Variants in ADCYAP1R1 observed in about 807,000 individuals in gnomAD.
ADCYAP1R1 encodes pituitary adenylate cyclase-activating polypeptide type I receptor.
Under a neutral mutation model 67.6 loss-of-function variants are expected in ADCYAP1R1, and 44 were observed. The observed-to-expected ratio is 0.65, with a 90% CI of 0.51 to 0.84. The LOEUF (loss-of-function observed/expected upper bound fraction) is 0.84, where lower values mean the gene tolerates loss of function less well. ADCYAP1R1 is among the 40% of genes least tolerant of loss of function. The probability of loss-of-function intolerance (pLI) is 0.00; values close to 1 mark genes in which losing one functional copy is unlikely to be tolerated. For missense variants in ADCYAP1R1, 477 were observed against 587.9 expected (o/e 0.81, Z 1.95); for synonymous variants, 222 against 219.6 (o/e 1.01, Z -0.10).
At chr7:31,082,272 G>T (rs941504339) in intron 6 of ADCYAP1R1, among the ~76,000 whole-genome samples, 1 of 152,160 alleles carries the variant, frequency 6.6e-6, no homozygotes, top group African/African-American at 2.4e-5. Flanking sequence ...TTACTGGGGC[G>T]AATCAGCCTA....
chr7:31,095,793 C>T, intron 13 of ADCYAP1R1: 1 of 715,894 alleles, frequency 1.4e-6, no homozygotes, highest in Non-Finnish European at 2.6e-6. Context: ...GTTTGTCCTC[C>T]ATAGACCAAG....
In ADCYAP1R1 at chr7:31,086,042, A is replaced by G. The variant is rs2128630908; in HGVS notation, c.670-342A>G. 6.6e-6 allele frequency among the ~76,000 whole-genome samples: 1 copy of G among 152,296 alleles called. No individual in the cohort carries two copies. Among genetic ancestry groups the G allele is most frequent in the East Asian group, 1.9e-4 (1 of 5,180 alleles). On this transcript the variant is annotated intron_variant, in intron 9 of 15. Transcript: ENST00000304166. The surrounding 1 kb of genome is among the most constrained non-coding windows in gnomAD (Gnocchi z 5.0). Reference sequence around the variant, plus strand: ...AGGTGTCCAAATCCTCATTATACCAAGGAGCCTCCTGCAGGGTCCTCTGGC... The same window carrying G: ...AGGTGTCCAAATCCTCATTATACCAGGGAGCCTCCTGCAGGGTCCTCTGGC...
chr7:31,104,734 C>T (rs969192823), intron 14 of ADCYAP1R1, 134 bp from the exon 15 acceptor site: 59 of 1,000,870 alleles, frequency 5.9e-5, no homozygotes, highest in Non-Finnish European at 7.9e-5. Context: ...CCATCTTACC[C>T]CAGATCCCTG....
At chr7:31,084,331 A>G (rs1584514803) in intron 7 of ADCYAP1R1, 81 bp downstream of exon 7, 1 of 1,173,412 alleles carries the variant, frequency 8.5e-7, no homozygotes, top group East Asian at 2.4e-5. Context: ...ATTCATGAGC[A>G]CCTGCTGGGG....
At chr7:31,059,437 C>A (rs1272538576) in intron 1 of ADCYAP1R1, among the ~76,000 whole-genome samples, 1 of 152,222 alleles carries the variant, frequency 6.6e-6, no homozygotes, top group Non-Finnish European at 1.5e-5. Flanking sequence ...TCTGCCCCAA[C>A]AGAGTCTGGA....
intron 3 of ADCYAP1R1, among the ~76,000 whole-genome samples, chr7:31,074,878 A>G (rs1274235757): frequency 1.3e-5 from 2 of 152,214 alleles, no homozygotes; most frequent in Non-Finnish European, 2.9e-5. Flanking sequence ...TCTATGGTAC[A>G]TCTGGTTCCC....
At chr7:31,077,496 GTGTA>G (rs1795303646) in intron 3 of ADCYAP1R1, among the ~76,000 whole-genome samples, 1 of 133,778 alleles carries the variant, frequency 7.5e-6, no homozygotes, top group South Asian at 2.4e-4. Flanking sequence ...TGTGTGTGTA[GTGTA>G]TGTGGTATAT....
At chr7:31,065,067 C>T in intron 3 of ADCYAP1R1, 131 bp downstream of exon 3, 1 of 650,624 alleles carries the variant, frequency 1.5e-6, no homozygotes, top group Non-Finnish European at 2.7e-6. Context: ...CTCGAGAATA[C>T]TGATGTCCTG....
rs770122376 is a variant in ADCYAP1R1, at chr7:31,085,463, C to T, written c.669+21C>T. The T allele has an allele frequency of 5.0e-6, 8 of 1,608,278 alleles. No homozygotes were observed. In the African/African-American group the frequency reaches 8.0e-5, roughly 16 times the overall value. ...CCACTGTGAGTGAGCCAAGCAGACCCATTAGGGCTCTGCCGGGAAGGTCCC... is the reference window on the plus strand; with the variant it reads ...CCACTGTGAGTGAGCCAAGCAGACCTATTAGGGCTCTGCCGGGAAGGTCCC... On this transcript the variant is annotated intron_variant, in intron 9 of 15. Coordinates refer to ENST00000304166, the MANE Select transcript of ADCYAP1R1 (RefSeq NM_001118.5).
chr7:31,078,124 C>T, intron 4 of ADCYAP1R1, 26 bp downstream of exon 4: 1 of 1,574,668 alleles, frequency 6.4e-7, no homozygotes, highest in East Asian at 2.2e-5. Context: ...TCTCTTTAGG[C>T]CACGCTGGCC....
At chr7:31,099,942 G>A (rs764060973) in intron 13 of ADCYAP1R1, among the ~76,000 whole-genome samples, 22 of 152,210 alleles carry the variant, frequency 1.4e-4, no homozygotes, top group Non-Finnish European at 2.5e-4. Context: ...TCATGTCCAC[G>A]TATAGGCGTG....
At position 31,101,526 on chromosome 7, in the gene ADCYAP1R1, G is replaced by A. The variant is rs1042241344; in HGVS notation, c.1047-1711G>A. On this transcript the variant is annotated intron_variant, in intron 13 of 15. Coordinates refer to ENST00000304166, the MANE Select transcript of ADCYAP1R1 (RefSeq NM_001118.5). ...AGCCCCTATAGGTAGGGCCACAGAGGAGTCCCCAAGACATCCATGTCCCTG... is the reference window on the plus strand; with the variant it reads ...AGCCCCTATAGGTAGGGCCACAGAGAAGTCCCCAAGACATCCATGTCCCTG... 1.3e-5 allele frequency among the ~76,000 whole-genome samples: 2 copies of A among 152,118 alleles called. 1 individual carries two copies. Among genetic ancestry groups the A allele is most frequent in the African/African-American group, 4.8e-5 (2 of 41,406 alleles).
At chr7:31,103,586 C>T (rs1027897338) in intron 14 of ADCYAP1R1, among the ~76,000 whole-genome samples, 1 of 152,194 alleles carries the variant, frequency 6.6e-6, no homozygotes, top group Non-Finnish European at 1.5e-5. Flanking sequence ...CAGCTGCCCC[C>T]ACTCCTGGCC....
intron 1 of ADCYAP1R1, among the ~76,000 whole-genome samples, chr7:31,053,144 G>T (rs1306560599): frequency 6.6e-6 from 1 of 152,118 alleles, no homozygotes; most frequent in Non-Finnish European, 1.5e-5. Context: ...GCTAGGTACC[G>T]CAATCCGCAC....
At position 31,076,426 on chromosome 7, in the gene ADCYAP1R1, C is replaced by T. The variant is rs530859784; in HGVS notation, c.158-1565C>T. 2.6e-5 allele frequency among the ~76,000 whole-genome samples: 4 copies of T among 152,140 alleles called. No individual in the cohort carries two copies. In the East Asian group the frequency reaches 5.8e-4, roughly 22 times the overall value. The stretch of plus-strand genomic sequence containing the variant: ...GCAGGGCTAGAAGGAGAGGCAGGCA[C>T]CCGGGAGAGGGGAGCCGCTGGGCCC... On this transcript the variant is annotated intron_variant, in intron 3 of 15. Transcript: ENST00000304166.
At chr7:31,063,146 G>A (rs751038964) in intron 1 of ADCYAP1R1, 48 bp from the exon 2 acceptor site, 26 of 1,239,176 alleles carry the variant, frequency 2.1e-5, no homozygotes, top group Non-Finnish European at 2.7e-5. Context: ...TCTTGCCCCC[G>A]GCCACTGCAC....
intron 1 of ADCYAP1R1, among the ~76,000 whole-genome samples, chr7:31,054,701 T>A (rs1794168365): frequency 6.6e-6 from 1 of 152,104 alleles, no homozygotes; most frequent in African/African-American, 2.4e-5. Flanking sequence ...GTGGAGGACA[T>A]CTTGTGCTGT....
chr7:31,078,479 C>T (rs7805043), intron 4 of ADCYAP1R1, among the ~76,000 whole-genome samples: 6,967 of 152,244 alleles, frequency 0.046, 562 homozygotes, highest in African/African-American at 0.16. Context: ...GCGCTTTGAA[C>T]GTGCAGTAGT....
At chr7:31,087,479 G>A (rs1191800183) in intron 11 of ADCYAP1R1, 148 bp from the exon 12 acceptor site, 20 of 698,278 alleles carry the variant, frequency 2.9e-5, no homozygotes, top group Middle Eastern at 3.8e-4. Context: ...TCTGTAGCCC[G>A]CTGGAGAGCT....
Sources: gnomAD v4.1 joint callset for allele counts (sites outside exome capture counted in the v4.1 genomes callset) on GRCh38, gnomAD v4.1.1 for gene constraint, Gnocchi (gnomAD v3.1) non-coding constraint, MANE v1.5 for transcripts, NCBI Gene and HGNC (gene_info 2026-07-23, HGNC 2026-07-21) for gene names.